The following KDM7A variants were observed in gnomAD, a reference collection of about 807,000 sequenced individuals.
KDM7A encodes lysine-specific demethylase 7A.
KDM7A carries 28 observed loss-of-function variants against 114.8 expected under a neutral mutation model. The observed-to-expected ratio is 0.24, with a 90% CI of 0.18 to 0.33. The LOEUF is 0.33. KDM7A is among the 10% of genes least tolerant of loss of function. The pLI is 1.00. For synonymous variants in KDM7A, 423 were observed against 397.8 expected, an observed-to-expected ratio of 1.06 and a Z score of -0.75; for missense variants, 942 against 1,142.5, an observed-to-expected ratio of 0.82 and a Z score of 2.53.
At chr7:140,096,057 C>T (rs564013825) in intron 17 of KDM7A, among the ~76,000 whole-genome samples, 16 of 152,258 alleles carry the variant, frequency 1.1e-4, no homozygotes, top group African/African-American at 3.9e-4. Context: ...AACATTTTCT[C>T]TAAAGGCACA....
Position 140,100,733 on chromosome 7 carries a change from T to C in KDM7A, c.1639-710A>G, listed in dbSNP as rs1427352645. 2.0e-3 allele frequency among the ~76,000 whole-genome samples: 103 copies of C among 51,878 alleles called. 2 individuals are homozygous for C. Among genetic ancestry groups the C allele is most frequent in the South Asian group, 1.3e-3 (2 of 1,486 alleles). 34.0% of individuals were successfully genotyped at this position (51,878 alleles called of 152,430 possible). On this transcript the variant is annotated intron_variant, in intron 12 of 19. Coordinates refer to ENST00000397560, the MANE Select transcript of KDM7A (RefSeq NM_030647.2). ...ACACATATATATATATATATATATATATATATATACATATATATTTTTTTG... is the reference window on the plus strand; with the variant it reads ...ACACATATATATATATATATATATACATATATATACATATATATTTTTTTG...
At chr7:140,108,684 G>GTA (rs1818383926) in intron 11 of KDM7A, among the ~76,000 whole-genome samples, 1 of 152,204 alleles carries the variant, frequency 6.6e-6, no homozygotes, top group African/African-American at 2.4e-5. Context: ...GGCCCTTACT[G>GTA]GGAGGTGTCT....
At chr7:140,175,620 T>C (rs1348604246) in intron 1 of KDM7A, among the ~76,000 whole-genome samples, 1 of 152,096 alleles carries the variant, frequency 6.6e-6, no homozygotes, top group East Asian at 1.9e-4. Context: ...CACGCCGGAG[T>C]CAAGAGGCTG....
intron 3 of KDM7A, among the ~76,000 whole-genome samples, chr7:140,133,190 A>ACAGGTAG (rs1454192622): frequency 6.6e-6 from 1 of 152,210 alleles, no homozygotes; most frequent in Non-Finnish European, 1.5e-5. Context: ...AAGAAACAAA[A>ACAGGTAG]CAGGTAGCAG....
In KDM7A at chr7:140,129,667, T is replaced by C. The variant is rs1430092704; in HGVS notation, c.399-14A>G. The C allele has an allele frequency of 6.3e-7, 1 of 1,575,906 alleles. No homozygotes were observed. The highest frequency in any genetic ancestry group is 8.7e-7 in the Non-Finnish European group (1 of 1,148,356). ...ATTTCATCGGCACTAAGGAAAAACA[T>C]AAGAATAAAAATGTCATTTTTATTG... On this transcript the variant is annotated splice_polypyrimidine_tract_variant and intron_variant, in intron 3 of 19. Coordinates refer to ENST00000397560, the MANE Select transcript of KDM7A (RefSeq NM_030647.2).
intron 9 of KDM7A, among the ~76,000 whole-genome samples, chr7:140,114,312 C>T (rs983692062): frequency 2.6e-5 from 4 of 152,098 alleles, no homozygotes; most frequent in Non-Finnish European, 4.4e-5. Context: ...GGATTGCAGG[C>T]GCGCGCCACC....
chr7:140,131,231 C>G (rs528721177), intron 3 of KDM7A, among the ~76,000 whole-genome samples: 1 of 152,092 alleles, frequency 6.6e-6, no homozygotes, highest in Non-Finnish European at 1.5e-5. Context: ...GTTGCCCTCT[C>G]TGATGATCAA....
At chr7:140,159,598 T>A (rs1299795405) in intron 1 of KDM7A, among the ~76,000 whole-genome samples, 1 of 152,188 alleles carries the variant, frequency 6.6e-6, no homozygotes, top group East Asian at 1.9e-4. Flanking sequence ...TGAGGCCTCC[T>A]AGGAAGATGA....
At chr7:140,161,129 G>A (rs1794514421) in intron 1 of KDM7A, among the ~76,000 whole-genome samples, 1 of 152,186 alleles carries the variant, frequency 6.6e-6, no homozygotes, top group Non-Finnish European at 1.5e-5. Flanking sequence ...CCTATAATCT[G>A]CATATAGTTT....
rs924631066 is a variant in KDM7A, at chr7:140,085,657, T to C, written c.*5437A>G. ...CAGTCAGAAGCTGTTTTTGGAAAAATTGAGGTTATAGCTTTTGATTCAGTC... is the reference window on the plus strand; with the variant it reads ...CAGTCAGAAGCTGTTTTTGGAAAAACTGAGGTTATAGCTTTTGATTCAGTC... On this transcript the variant is annotated 3_prime_UTR_variant, in exon 20 of 20. Transcript: ENST00000397560. The C allele has an allele frequency of 5.3e-5, 8 of 152,144 alleles. No homozygotes were observed. The highest frequency in any genetic ancestry group is 2.1e-4 in the South Asian group (1 of 4,818). The allele number at this position is 152,144 out of a possible 1,614,324, so 9.4% of individuals were successfully genotyped here. A position where few individuals can be genotyped will look rare whatever the true frequency, so the allele number is the denominator to read the frequency against.
At chr7:140,126,999 G>T (rs1267274203) in intron 5 of KDM7A, among the ~76,000 whole-genome samples, 176 bp from the exon 6 acceptor site, 1 of 152,146 alleles carries the variant, frequency 6.6e-6, no homozygotes, top group Non-Finnish European at 1.5e-5. Context: ...TTGCTCTGTC[G>T]CCTAGGCTAG....
At chr7:140,109,268 C>A (rs1818394520) in intron 11 of KDM7A, among the ~76,000 whole-genome samples, 1 of 152,218 alleles carries the variant, frequency 6.6e-6, no homozygotes, top group Non-Finnish European at 1.5e-5. Flanking sequence ...GTGGGCTGCA[C>A]CCACTGTCCA....
intron 2 of KDM7A, among the ~76,000 whole-genome samples, chr7:140,137,618 T>C (rs1168803355): frequency 6.6e-6 from 1 of 152,212 alleles, no homozygotes; most frequent in East Asian, 1.9e-4. Context: ...ACTAGTCAAT[T>C]ACACATGTAA....
At chr7:140,142,033 A>AAAAAGATATTTATATATCATATATAT (rs1554399795) in intron 1 of KDM7A, among the ~76,000 whole-genome samples, 7 of 146,260 alleles carry the variant, frequency 4.8e-5, no homozygotes, top group Non-Finnish European at 9.0e-5. Flanking sequence ...TTTATATATT[A>AAAAAGATATTTATATATCATATATAT]AAAAGATATT....
intron 2 of KDM7A, 24 bp from the exon 3 acceptor site, chr7:140,133,680 A>C (rs924378987): frequency 7.3e-7 from 1 of 1,365,824 alleles, no homozygotes; most frequent in Non-Finnish European, 1.0e-6. Flanking sequence ...AGATTAAAAA[A>C]AAATGATTTT....
Position 140,086,285 on chromosome 7 carries a change from T to C in KDM7A, c.*4809A>G, listed in dbSNP as rs529907840. On this transcript the variant is annotated 3_prime_UTR_variant, in exon 20 of 20. Transcript: ENST00000397560. ...GAAAGGTTTTAACAACAAAATGTAATGTTATACTTGTTAAGACAAAGTCTT... is the reference window on the plus strand; with the variant it reads ...GAAAGGTTTTAACAACAAAATGTAACGTTATACTTGTTAAGACAAAGTCTT... 2 of 152,272 alleles carry C rather than the reference T, an allele frequency of 1.3e-5. No individual in the cohort carries two copies. The highest frequency in any genetic ancestry group is 1.9e-4 in the East Asian group (1 of 5,188). 9.4% of individuals were successfully genotyped at this position (152,272 alleles called of 1,614,324 possible).
In KDM7A at chr7:140,153,129, C is replaced by A. The variant is rs551022425; in HGVS notation, c.195-13939G>T. 3.3e-5 allele frequency among the ~76,000 whole-genome samples: 5 copies of A among 151,962 alleles called. No homozygotes were observed. In the South Asian group the frequency reaches 1.0e-3, roughly 32 times the overall value. On this transcript the variant is annotated intron_variant, in intron 1 of 19. Transcript: ENST00000397560. ...CACCTCGGCCTCCCAAAGTGCTGGC[C>A]ATTTTGTAATTCTTAATTTCCACTA... is the stretch of plus-strand genomic sequence containing the variant.
intron 1 of KDM7A, among the ~76,000 whole-genome samples, chr7:140,159,023 GTTTT>G (rs913030739): frequency 1.3e-5 from 2 of 152,184 alleles, no homozygotes; most frequent in African/African-American, 4.8e-5. Flanking sequence ...CAAGAAAAGG[GTTTT>G]TTGTTTGTTT....
At chr7:140,162,706 T>C (rs540162585) in intron 1 of KDM7A, among the ~76,000 whole-genome samples, 28 of 152,266 alleles carry the variant, frequency 1.8e-4, no homozygotes, top group African/African-American at 6.5e-4. Context: ...AATTTCAAAA[T>C]GGATAATGCT....
Sources: allele counts gnomAD v4.1 joint callset (sites outside exome capture counted in the v4.1 genomes callset), GRCh38; gene constraint gnomAD v4.1.1; transcripts MANE v1.5; gene names NCBI Gene and HGNC (gene_info 2026-07-23, HGNC 2026-07-21).